ZNF365: variants seen among roughly 807,000 people sequenced by gnomAD.
ZNF365 encodes protein ZNF365.
A neutral mutation model predicts 35.0 loss-of-function variants in ZNF365; 22 were observed. The ratio of observed to expected loss-of-function variants is 0.63; its 90% CI spans 0.45 to 0.90. The LOEUF (loss-of-function observed/expected upper bound fraction) is 0.90. Ranked by LOEUF, ZNF365 falls within the 40% of genes least tolerant of loss-of-function variation. The pLI, the probability that ZNF365 is intolerant of heterozygous loss-of-function variation, is 0.00. For synonymous variants in ZNF365, 188 were observed against 196.2 expected (o/e 0.96, Z 0.35); for missense variants, 448 against 500.3 (o/e 0.90, Z 1.00).
chr10:62,413,109 A>G (rs1157212652), intron 3 of ZNF365, among the ~76,000 whole-genome samples: 1 of 152,176 alleles, frequency 6.6e-6, no homozygotes, highest in East Asian at 1.9e-4. Flanking sequence ...TACCTCTGGA[A>G]TTTAGTAAAA....
At chr10:62,424,730 C>T (rs1223943661) in intron 3 of ZNF365, among the ~76,000 whole-genome samples, 1 of 152,184 alleles carries the variant, frequency 6.6e-6, no homozygotes, top group East Asian at 1.9e-4. Context: ...AGCCAAGATG[C>T]TTTATGAGAC....
intron 4 of ZNF365, chr10:62,459,848 A>G (rs905140229): frequency 6.5e-7 from 1 of 1,535,198 alleles, no homozygotes; most frequent in Admixed American, 1.9e-5. Context: ...AATAACCAGC[A>G]GCCCATCTGG....
chr10:62,467,619 A>T lies in ZNF365; in HGVS notation c.981+7822A>T, dbSNP rs190888134. On this transcript the variant is annotated intron_variant, in intron 4 of 4. Coordinates refer to the ZNF365 transcript ENST00000395255. ...TACTACACATATGGGTTGAGGGATG[A>T]TGACAAATCCAAGTTGGACTTATAT... is the stretch of plus-strand genomic sequence containing the variant. Among the ~76,000 whole-genome samples, 3 of 152,360 alleles carry T rather than the reference A, an allele frequency of 2.0e-5. No individual in the cohort carries two copies. The East Asian group carries it at 5.8e-4, about 29-fold the overall frequency.
In ZNF365 at chr10:62,478,781, A is replaced by T. The variant is rs1359738330; in HGVS notation, c.982-1095A>T. On this transcript the variant is annotated intron_variant, in intron 4 of 4. Coordinates refer to the ZNF365 transcript ENST00000395255. ...AGTAGAGACGGGGTTTCACCATGTT[A>T]GCCAGGATGGTCTCGATCTCCTGAC... Among the ~76,000 whole-genome samples the T allele has an allele frequency of 3.3e-5, 5 of 152,182 alleles. No homozygotes were observed. The East Asian group carries it at 9.7e-4, about 29-fold the overall frequency.
At chr10:62,402,552 C>T, downstream of ZNF365, 1 of 686,126 alleles carries the variant, frequency 1.5e-6, no homozygotes, top group Non-Finnish European at 1.8e-6. Flanking sequence ...AGCTGTTCAT[C>T]ATACATATAA....
chr10:62,428,612 C>A (rs1190145097), intron 3 of ZNF365, among the ~76,000 whole-genome samples: 1 of 152,170 alleles, frequency 6.6e-6, no homozygotes, highest in Admixed American at 6.5e-5. Flanking sequence ...TTGGGCAGTT[C>A]TTTACAGCAG....
At chr10:62,439,473 G>C (rs575299096) in intron 3 of ZNF365, among the ~76,000 whole-genome samples, 2 of 151,716 alleles carry the variant, frequency 1.3e-5, no homozygotes, top group Non-Finnish European at 2.9e-5. Flanking sequence ...TGTGTAGCTC[G>C]GTTTAGCCAA....
chr10:62,389,169 C>T (rs1158048115), intron 3 of ZNF365, among the ~76,000 whole-genome samples: 1 of 151,524 alleles, frequency 6.6e-6, no homozygotes, highest in Non-Finnish European at 1.5e-5. Context: ...CAGATGAGAT[C>T]CCTGGATGTG....
intron 3 of ZNF365, among the ~76,000 whole-genome samples, chr10:62,392,750 C>T (rs1330436950): frequency 6.6e-6 from 1 of 152,148 alleles, no homozygotes; most frequent in Non-Finnish European, 1.5e-5. Flanking sequence ...CCTGCCTCAG[C>T]CTCCTGAGTA....
At chr10:62,469,954 A>G (rs1284263523) in intron 4 of ZNF365, among the ~76,000 whole-genome samples, 1 of 152,224 alleles carries the variant, frequency 6.6e-6, no homozygotes, top group Non-Finnish European at 1.5e-5. Flanking sequence ...TCAAGACATT[A>G]AATATTCTTC....
chr10:62,444,585 C>T (rs924667142), intron 3 of ZNF365, among the ~76,000 whole-genome samples: 5 of 152,178 alleles, frequency 3.3e-5, no homozygotes, highest in South Asian at 2.1e-4. Context: ...TTAACCTGCC[C>T]TCTCCTCTGT....
At chr10:62,462,865 G>A (rs1450631728) in intron 4 of ZNF365, among the ~76,000 whole-genome samples, 3 of 152,186 alleles carry the variant, frequency 2.0e-5, no homozygotes, top group Non-Finnish European at 4.4e-5. Flanking sequence ...TTGCTAATGG[G>A]AAAGATTTGC....
At chr10:62,394,058 A>G (rs1039234157) in intron 3 of ZNF365, among the ~76,000 whole-genome samples, 8 of 152,196 alleles carry the variant, frequency 5.3e-5, no homozygotes, top group African/African-American at 1.9e-4. Flanking sequence ...AGTGTGTTTC[A>G]TTGTCATACA....
chr10:62,416,814 A>C (rs1319946057), intron 3 of ZNF365, among the ~76,000 whole-genome samples: 1 of 152,056 alleles, frequency 6.6e-6, no homozygotes, highest in Non-Finnish European at 1.5e-5. Flanking sequence ...TCCAGTGAGC[A>C]TTTCATTTGA....
intron 3 of ZNF365, among the ~76,000 whole-genome samples, chr10:62,410,207 C>G (rs935244007): frequency 6.6e-6 from 1 of 152,092 alleles, no homozygotes; most frequent in Non-Finnish European, 1.5e-5. Context: ...ATTAACTAAG[C>G]CTTGTTCAAA....
chr10:62,433,685 C>T (rs188463780), intron 3 of ZNF365, among the ~76,000 whole-genome samples: 47 of 152,226 alleles, frequency 3.1e-4, no homozygotes, highest in Middle Eastern at 3.4e-3. Flanking sequence ...GAGATGGCAT[C>T]GGTAGAGCTT....
At chr10:62,389,662 A>G (rs1372437005) in intron 3 of ZNF365, among the ~76,000 whole-genome samples, 1 of 152,192 alleles carries the variant, frequency 6.6e-6, no homozygotes, top group Non-Finnish European at 1.5e-5. Context: ...TGGATAAAAG[A>G]AGGAACAGCA....
intron 3 of ZNF365, among the ~76,000 whole-genome samples, chr10:62,393,938 A>ATG (rs1839678627): frequency 6.6e-6 from 1 of 152,124 alleles, no homozygotes; most frequent in East Asian, 1.9e-4. Context: ...GATTAGGCAG[A>ATG]TGTGGTTTCC....
At chr10:62,460,148 G>A (rs1840824193) in intron 4 of ZNF365, among the ~76,000 whole-genome samples, 1 of 152,166 alleles carries the variant, frequency 6.6e-6, no homozygotes, top group Non-Finnish European at 1.5e-5. Flanking sequence ...GTGATGGCAT[G>A]GAGGCTGTAA....
Sources: allele counts gnomAD v4.1 joint callset (sites outside exome capture counted in the v4.1 genomes callset), GRCh38; gene constraint gnomAD v4.1.1; transcripts MANE v1.5; gene names NCBI Gene and HGNC (gene_info 2026-07-23, HGNC 2026-07-21).